The following SDK1 variants were observed in gnomAD, a reference collection of about 807,000 sequenced individuals.
SDK1 encodes protein sidekick-1.
In SDK1, 157 loss-of-function variants were observed where a neutral mutation model predicts 245.5. That is an observed-to-expected ratio of 0.64 (90% CI 0.56 to 0.73). The LOEUF (loss-of-function observed/expected upper bound fraction) is 0.73, where lower values mean the gene tolerates loss of function less well. SDK1 is among the 30% of genes least tolerant of loss of function. The pLI is 0.00. For missense variants in SDK1, 3,583 were observed against 3,002.3 expected (o/e 1.19, Z -4.52); for synonymous variants, 1,647 against 1,278.5 (o/e 1.29, Z -6.15).
chr7:3,926,160 A>T (rs1161120141), intron 5 of SDK1, among the ~76,000 whole-genome samples: 1 of 152,182 alleles, frequency 6.6e-6, no homozygotes, highest in Non-Finnish European at 1.5e-5. Flanking sequence ...CTACAGAAGC[A>T]TGCATTCCCG....
intron 25 of SDK1, among the ~76,000 whole-genome samples, chr7:4,124,011 G>A (rs1252785928): frequency 1.3e-5 from 2 of 152,198 alleles, no homozygotes; most frequent in Non-Finnish European, 2.9e-5. Context: ...GTTGCGGTGA[G>A]GCCACTGACT....
At chr7:3,463,166 C>T (rs1282648909) in intron 1 of SDK1, among the ~76,000 whole-genome samples, 5 of 152,228 alleles carry the variant, frequency 3.3e-5, no homozygotes, top group South Asian at 2.1e-4. Context: ...GAGATGGGGT[C>T]GAGATTTGTA....
chr7:3,700,174 T>A (rs1181792595), intron 4 of SDK1, among the ~76,000 whole-genome samples: 1 of 152,254 alleles, frequency 6.6e-6, no homozygotes. Context: ...AATGTGTTTC[T>A]ATAATACCTA....
At chr7:4,216,387 A>C (rs915460608) in intron 38 of SDK1, among the ~76,000 whole-genome samples, 3 of 151,956 alleles carry the variant, frequency 2.0e-5, no homozygotes, top group Admixed American at 6.6e-5. Context: ...GAGGGGCTGC[A>C]CTCCCGTCTG....
chr7:4,074,916 A>ATTTTTTT (rs55899344), intron 20 of SDK1, among the ~76,000 whole-genome samples: 5 of 64,600 alleles, frequency 7.7e-5, no homozygotes, highest in Middle Eastern at 0.012. Flanking sequence ...ATATATATAT[A>ATTTTTTT]TTTTTTTTTT....
chr7:3,361,149 T>A (rs930376338), intron 1 of SDK1, among the ~76,000 whole-genome samples: 14 of 152,304 alleles, frequency 9.2e-5, no homozygotes, highest in Non-Finnish European at 1.6e-4. Context: ...TGTAGTTTTT[T>A]CTATATTACA....
intron 15 of SDK1, among the ~76,000 whole-genome samples, chr7:4,011,386 C>G (rs890946860): frequency 1.3e-5 from 2 of 152,238 alleles, no homozygotes; most frequent in African/African-American, 2.4e-5. Context: ...CCTGACAGCA[C>G]AGCCCTCTGT....
At chr7:3,511,009 G>T (rs73035927) in intron 1 of SDK1, among the ~76,000 whole-genome samples, 4 of 152,186 alleles carry the variant, frequency 2.6e-5, no homozygotes, top group African/African-American at 9.7e-5. Flanking sequence ...AAGAGTGTAG[G>T]GGGACGAGGG....
chr7:3,332,453 A>G (rs1780092369), intron 1 of SDK1, among the ~76,000 whole-genome samples: 1 of 152,212 alleles, frequency 6.6e-6, no homozygotes, highest in African/African-American at 2.4e-5. Flanking sequence ...CCAAGAACTT[A>G]AAAATTGCCC....
At chr7:3,969,102 A>G (rs1782290569) in intron 10 of SDK1, among the ~76,000 whole-genome samples, 155 bp from the exon 11 acceptor site, 1 of 152,224 alleles carries the variant, frequency 6.6e-6, no homozygotes, top group Admixed American at 6.5e-5. Context: ...ACCTCCCACC[A>G]GATTCCTCCC....
intron 5 of SDK1, among the ~76,000 whole-genome samples, chr7:3,915,770 A>G (rs889131921): frequency 2.0e-5 from 3 of 152,198 alleles, no homozygotes; most frequent in Admixed American, 6.5e-5. Context: ...GTACCAAGTC[A>G]CGTGCTGACT....
intron 1 of SDK1, among the ~76,000 whole-genome samples, chr7:3,473,395 C>A (rs1319866063): frequency 6.6e-6 from 1 of 152,172 alleles, no homozygotes; most frequent in African/African-American, 2.4e-5. Context: ...TTTTAAAATA[C>A]TTTATAGATT....
chr7:4,188,526 C>T (rs1052912382), intron 35 of SDK1, among the ~76,000 whole-genome samples: 2 of 152,020 alleles, frequency 1.3e-5, no homozygotes, highest in East Asian at 3.9e-4. Context: ...ATGGCAAATA[C>T]TTTGTCTTTA....
rs139455170 is a variant in SDK1, at chr7:4,240,399, C to T, written c.6131-1394C>T. Among the ~76,000 whole-genome samples, 434 of 152,300 alleles carry T rather than the reference C, an allele frequency of 2.8e-3. 1 individual carries two copies. The highest frequency in any genetic ancestry group is 5.2e-3 in the Non-Finnish European group (357 of 68,030). On this transcript the variant is annotated intron_variant, in intron 42 of 44. Coordinates refer to ENST00000404826, the MANE Select transcript of SDK1 (RefSeq NM_152744.4). Reference sequence around the variant, plus strand: ...TGGCCTCACTCGACACCCCTCCCTGCGTGCACTCCTTATCCTCCCATCCTC... The same window carrying T: ...TGGCCTCACTCGACACCCCTCCCTGTGTGCACTCCTTATCCTCCCATCCTC...
chr7:3,456,269 G>C (rs1290193939), intron 1 of SDK1, among the ~76,000 whole-genome samples: 1 of 152,116 alleles, frequency 6.6e-6, no homozygotes, highest in South Asian at 2.1e-4. Flanking sequence ...CTAAATTTGG[G>C]AAATATTTAG....
intron 4 of SDK1, among the ~76,000 whole-genome samples, chr7:3,797,809 C>T (rs34243635): frequency 0.1 from 15,911 of 152,126 alleles, 1,367 homozygotes; most frequent in African/African-American, 0.24. Context: ...TGATTTCTAG[C>T]TCTTCCTTTA....
intron 5 of SDK1, among the ~76,000 whole-genome samples, chr7:3,875,153 G>A (rs192846856): frequency 3.9e-5 from 6 of 152,312 alleles, no homozygotes; most frequent in Non-Finnish European, 7.3e-5. Flanking sequence ...AAATGGTTGG[G>A]TCTGTTTCTC....
intron 4 of SDK1, among the ~76,000 whole-genome samples, chr7:3,656,099 C>T (rs574832151): frequency 6.6e-6 from 1 of 152,276 alleles, no homozygotes; most frequent in South Asian, 2.1e-4. Context: ...AGCTGTTTCT[C>T]AGCTCATTTG....
chr7:4,065,126 T>C (rs1181726909), intron 19 of SDK1, among the ~76,000 whole-genome samples: 1 of 152,192 alleles, frequency 6.6e-6, no homozygotes, highest in Non-Finnish European at 1.5e-5. Context: ...CACCCTAACT[T>C]GGCCGTTACA....
Sources: gnomAD v4.1 joint callset for allele counts (sites outside exome capture counted in the v4.1 genomes callset) on GRCh38, gnomAD v4.1.1 for gene constraint, MANE v1.5 for transcripts, NCBI Gene and HGNC (gene_info 2026-07-23, HGNC 2026-07-21) for gene names.